Variants in RPS6KA2 observed in about 807,000 individuals in gnomAD.
The protein encoded by RPS6KA2 is ribosomal protein S6 kinase A2.
A neutral mutation model predicts 91.8 loss-of-function variants in RPS6KA2; 42 were observed. The observed-to-expected ratio is 0.46, with a 90% confidence interval of 0.36 to 0.59. The LOEUF (loss-of-function observed/expected upper bound fraction) is 0.59, where lower values mean the gene tolerates loss of function less well. RPS6KA2 is among the 20% of genes least tolerant of loss of function. RPS6KA2 has a pLI of 0.00. For missense variants in RPS6KA2, 798 were observed against 978.5 expected, an observed-to-expected ratio of 0.82 and a Z score of 2.46; for synonymous variants, 414 against 393.6, an observed-to-expected ratio of 1.05 and a Z score of -0.61.
At chr6:166,586,544 G>T in intron 1 of RPS6KA2, 3 of 1,478,912 alleles carry the variant, frequency 2.0e-6, no homozygotes, top group Non-Finnish European at 1.8e-6. Flanking sequence ...ATCCGCCAAG[G>T]GCTATGTCTA....
chr6:166,771,045 C>A, intron 2 of RPS6KA2: 1 of 673,366 alleles, frequency 1.5e-6, no homozygotes. Flanking sequence ...ACATTAATCT[C>A]CACATAATTT....
At chr6:166,642,320 A>G (rs1787465681) in intron 2 of RPS6KA2, among the ~76,000 whole-genome samples, 1 of 152,248 alleles carries the variant, frequency 6.6e-6, no homozygotes, top group Non-Finnish European at 1.5e-5. Context: ...TCTTTCACAA[A>G]CAAGGACAAA....
At chr6:166,734,688 A>G (rs1790626428) in intron 2 of RPS6KA2, among the ~76,000 whole-genome samples, 1 of 152,186 alleles carries the variant, frequency 6.6e-6, no homozygotes, top group Non-Finnish European at 1.5e-5. Flanking sequence ...CCCTGTGACA[A>G]TGTGCCTTAT....
At chr6:166,684,399 C>T (rs1788941802) in intron 2 of RPS6KA2, among the ~76,000 whole-genome samples, 1 of 152,232 alleles carries the variant, frequency 6.6e-6, no homozygotes, top group Admixed American at 6.5e-5. Flanking sequence ...CCCTGAGCTG[C>T]TACTTTCTGC....
At chr6:166,677,959 G>A (rs1442026424) in intron 2 of RPS6KA2, among the ~76,000 whole-genome samples, 1 of 152,170 alleles carries the variant, frequency 6.6e-6, no homozygotes, top group East Asian at 1.9e-4. Flanking sequence ...AAGCAAATGA[G>A]TGTGACTGTC....
At chr6:166,771,649 C>T (rs955748229) in intron 2 of RPS6KA2, among the ~76,000 whole-genome samples, 33 of 152,208 alleles carry the variant, frequency 2.2e-4, no homozygotes, top group African/African-American at 7.2e-4. Flanking sequence ...TGTTCCTTGG[C>T]TCATACCCAC....
chr6:166,541,763 A>C (rs1397781623), intron 1 of RPS6KA2, among the ~76,000 whole-genome samples: 1 of 152,212 alleles, frequency 6.6e-6, no homozygotes, highest in East Asian at 1.9e-4. Context: ...TTCGACGCAG[A>C]TATCTCATAA....
chr6:166,477,696 A>G (rs1781027488), intron 10 of RPS6KA2, among the ~76,000 whole-genome samples: 2 of 152,208 alleles, frequency 1.3e-5, no homozygotes, highest in South Asian at 4.1e-4. Context: ...GGACTGCTTT[A>G]GTCCAGGAGT....
At chr6:166,564,482 C>A (rs1399973418) in intron 1 of RPS6KA2, among the ~76,000 whole-genome samples, 1 of 152,210 alleles carries the variant, frequency 6.6e-6, no homozygotes, top group Non-Finnish European at 1.5e-5. Flanking sequence ...GAAGACATTC[C>A]CTGTCCGCCC....
chr6:166,438,910 T>C (rs1248794986), intron 14 of RPS6KA2, among the ~76,000 whole-genome samples: 1 of 152,128 alleles, frequency 6.6e-6, no homozygotes. Flanking sequence ...AGTAAAAGCG[T>C]CCAATTAAAA....
Position 166,498,583 on chromosome 6 carries a change from C to T in RPS6KA2, c.672G>A (p.Glu224=), listed in dbSNP as rs759445973. ...KRAYSFCGTI[E]YMAPEVVNRR... The stretch of plus-strand genomic sequence containing the variant: ...GGTTCACCACCTCGGGCGCCATGTA[C>T]TCGATCGTCCCGCAGAAGGAGTACG... The change falls in exon 8 of 21, where the codon GAG becomes GAA. Residue 224 remains glutamate (E), a synonymous_variant. Coordinates refer to ENST00000265678, the MANE Select transcript of RPS6KA2 (RefSeq NM_021135.6). The T allele has an allele frequency of 1.5e-5, 24 of 1,613,722 alleles. 1 individual carries two copies. In the South Asian group the frequency reaches 2.3e-4, roughly 16 times the overall value.
rs1779895210 is a variant in RPS6KA2, at chr6:166,821,124, A to C, written c.123+37076T>G. Among the ~76,000 whole-genome samples the C allele has an allele frequency of 6.6e-6, 1 of 152,340 alleles. No individual in the cohort carries two copies. Among genetic ancestry groups the C allele is most frequent in the South Asian group, 2.1e-4 (1 of 4,830 alleles). The stretch of plus-strand genomic sequence containing the variant: ...TGTATCACACGCTAGGCACAGAGTG[A>C]GCACATAGGAATTATAAGTATTAAT... On this transcript the variant is annotated intron_variant, in intron 2 of 21. Transcript: ENST00000503859. The surrounding 1 kb of genome is among the most constrained non-coding windows in gnomAD (Gnocchi z 4.1).
In RPS6KA2 at chr6:166,626,975, A is replaced by C; in HGVS notation, c.45T>G (p.Ser15=). ...MKKFAVRRFF[S]VYLRRKSRSK... ...AGCGCGACTTCCTGCGCAGGTACAC[A>C]GAGAAGAACCTGCGCACGGCGAACT... is the stretch of plus-strand genomic sequence containing the variant. Residue 15 remains serine, a synonymous_variant, in exon 1 of 21, where the codon TCT becomes TCG. Coordinates refer to ENST00000265678, the MANE Select transcript of RPS6KA2 (RefSeq NM_021135.6). The surrounding 1 kb of genome is among the most constrained non-coding windows in gnomAD (Gnocchi z 4.1). 6.4e-7 allele frequency: 1 copy of C among 1,561,182 alleles called. No individual in the cohort carries two copies. The highest frequency in any genetic ancestry group is 8.7e-7 in the Non-Finnish European group (1 of 1,152,934).
intron 2 of RPS6KA2, among the ~76,000 whole-genome samples, chr6:166,766,241 T>C (rs1419067132): frequency 1.3e-5 from 2 of 152,222 alleles, no homozygotes; most frequent in Non-Finnish European, 1.5e-5. Context: ...CCAAGATATA[T>C]TGAATAACTT....
intron 1 of RPS6KA2, among the ~76,000 whole-genome samples, chr6:166,582,356 T>C (rs1785048589): frequency 1.3e-5 from 2 of 152,340 alleles, no homozygotes; most frequent in Admixed American, 1.3e-4. Context: ...TGACCATGAA[T>C]GTGTTCAACA....
chr6:166,704,924 T>C (rs1012772639), intron 2 of RPS6KA2, among the ~76,000 whole-genome samples: 2 of 152,242 alleles, frequency 1.3e-5, no homozygotes, highest in Admixed American at 6.5e-5. Context: ...TATGCCAGGA[T>C]TTAAAATTAG....
At chr6:166,632,974 G>A (rs549840569) in intron 2 of RPS6KA2, among the ~76,000 whole-genome samples, 5 of 152,220 alleles carry the variant, frequency 3.3e-5, no homozygotes, top group Non-Finnish European at 5.9e-5. Flanking sequence ...CAGCATTTCG[G>A]GAGGCCGAGA....
chr6:166,442,136 C>T (rs1399630730), intron 14 of RPS6KA2, among the ~76,000 whole-genome samples: 1 of 152,234 alleles, frequency 6.6e-6, no homozygotes, highest in African/African-American at 2.4e-5. Flanking sequence ...GGGACTTTGG[C>T]TATTTATCAA....
rs1371258486 is a variant in RPS6KA2 at position 166,726,495 on chromosome 6, T to C, written c.123+131705A>G. On this transcript the variant is annotated intron_variant, in intron 2 of 21. Transcript: ENST00000503859. This position sits in a 1 kb window ranked among gnomAD's most constrained non-coding sequence, Gnocchi z 4.4. The stretch of plus-strand genomic sequence containing the variant: ...ATGATCATTCCCCAAGTCAGAGACA[T>C]GGAAGGGAAATGAAAGAAGGACATG... 6.6e-6 allele frequency among the ~76,000 whole-genome samples: 1 copy of C among 152,020 alleles called. No homozygotes were observed. Among genetic ancestry groups the C allele is most frequent in the East Asian group, 1.9e-4 (1 of 5,186 alleles).
Sources: gnomAD v4.1 joint callset for allele counts (sites outside exome capture counted in the v4.1 genomes callset) on GRCh38, gnomAD v4.1.1 for gene constraint, Gnocchi (gnomAD v3.1) non-coding constraint, MANE v1.5 for transcripts, NCBI Gene and HGNC (gene_info 2026-07-23, HGNC 2026-07-21) for gene names.